SLC5A4: variants seen among roughly 807,000 people sequenced by gnomAD.
SLC5A4 encodes the protein probable glucose sensor protein SLC5A4.
A neutral mutation model predicts 70.3 loss-of-function variants in SLC5A4; 55 were observed. The observed-to-expected ratio is 0.78, with a 90% CI of 0.63 to 0.98. The LOEUF (loss-of-function observed/expected upper bound fraction) is 0.98. Ranked by LOEUF, SLC5A4 falls within the 50% of genes least tolerant of loss-of-function variation. The probability of loss-of-function intolerance (pLI) is 0.00; values close to 1 mark genes in which losing one functional copy is unlikely to be tolerated. For synonymous variants in SLC5A4, 268 were observed against 305.7 expected (o/e 0.88, Z 1.29); for missense variants, 735 against 839.2 (o/e 0.88, Z 1.53).
intron 3 of SLC5A4, among the ~76,000 whole-genome samples, chr22:32,251,335 G>A (rs1205081609): frequency 1.3e-5 from 2 of 152,008 alleles, no homozygotes; most frequent in African/African-American, 4.8e-5. Flanking sequence ...CCATTAAGGG[G>A]TGATTAGGTT....
chr22:32,330,797 GGC>G, the SLC5A4 span, among the ~76,000 whole-genome samples: 1 of 126,140 alleles, frequency 7.9e-6, no homozygotes, highest in African/African-American at 3.1e-5. Flanking sequence ...GTGTGTTGGG[GGC>G]TCTGGTGTGT....
chr22:32,227,965 G>GA (rs1221421636), intron 11 of SLC5A4, among the ~76,000 whole-genome samples: 2 of 150,562 alleles, frequency 1.3e-5, no homozygotes, highest in Non-Finnish European at 3.0e-5. Flanking sequence ...ACTCTGTCTT[G>GA]AAAAAAAAAT....
At chr22:32,326,380 C>T in the SLC5A4 span, among the ~76,000 whole-genome samples, 1 of 151,826 alleles carries the variant, frequency 6.6e-6, no homozygotes, top group Non-Finnish European at 1.5e-5. Flanking sequence ...CCTCAGCCTC[C>T]CAAGTAGTAG....
chr22:32,321,341 A>G, the SLC5A4 span, among the ~76,000 whole-genome samples: 3 of 152,152 alleles, frequency 2.0e-5, no homozygotes, highest in Non-Finnish European at 2.9e-5. Context: ...AGTCCCAGCT[A>G]CTTGGGAGGC....
the SLC5A4 span, chr22:32,355,029 G>C: frequency 3.7e-4 from 57 of 152,110 alleles, no homozygotes; most frequent in African/African-American, 1.4e-3. Flanking sequence ...GTACTAACCA[G>C]CTACACAAGC....
At chr22:32,298,085 G>A in the SLC5A4 span, among the ~76,000 whole-genome samples, 27,386 of 68,404 alleles carry the variant, frequency 0.4, 5,687 homozygotes, top group East Asian at 0.54. Context: ...TATGTGGTCA[G>A]TTTTGGAATA....
the SLC5A4 span, among the ~76,000 whole-genome samples, chr22:32,329,083 G>T: frequency 1.5e-3 from 234 of 152,356 alleles, no homozygotes; most frequent in African/African-American, 5.4e-3. Flanking sequence ...CCGCCAGAGT[G>T]AGCTGGCGTC....
intron 2 of SLC5A4, among the ~76,000 whole-genome samples, chr22:32,253,367 C>T (rs1020603738): frequency 6.6e-6 from 1 of 152,160 alleles, no homozygotes; most frequent in Non-Finnish European, 1.5e-5. Context: ...AGCACCATCA[C>T]AGGGAACACA....
the SLC5A4 span, among the ~76,000 whole-genome samples, chr22:32,337,197 G>A: frequency 8.4e-4 from 128 of 152,284 alleles, no homozygotes; most frequent in African/African-American, 2.9e-3. Flanking sequence ...GGCTATCATC[G>A]CCCTGGGTGC....
chr22:32,219,560 G>A (rs2142558), intron 14 of SLC5A4, among the ~76,000 whole-genome samples: 77,786 of 129,728 alleles, frequency 0.6, 22,913 homozygotes, highest in African/African-American at 0.81. Context: ...GTAGAAAAGA[G>A]AAAGAAAAAT....
intron 3 of SLC5A4, 33 bp downstream of exon 3, chr22:32,251,737 G>C (rs772253436): frequency 1.6e-6 from 2 of 1,278,528 alleles, no homozygotes; most frequent in African/African-American, 2.9e-5. Context: ...ATATGGTTTT[G>C]ATTTGAAGGA....
chr22:32,271,243 C>A, the SLC5A4 span: 1 of 794,714 alleles, frequency 1.3e-6, no homozygotes, highest in Non-Finnish European at 2.2e-6. Context: ...CCCTGTGGGG[C>A]AGCGGGTCCT....
the SLC5A4 span, among the ~76,000 whole-genome samples, chr22:32,294,020 C>A: frequency 6.6e-6 from 1 of 151,922 alleles, no homozygotes; most frequent in African/African-American, 2.4e-5. Flanking sequence ...CCCACCCCAG[C>A]CCTTTTCTGA....
the SLC5A4 span, among the ~76,000 whole-genome samples, chr22:32,353,095 C>T: frequency 3.9e-3 from 587 of 152,308 alleles, 2 homozygotes; most frequent in Middle Eastern, 0.017. Flanking sequence ...CCGGTTTCAG[C>T]GAAGGCACTC....
At chr22:32,222,682 T>C (rs1390024666) in intron 13 of SLC5A4, among the ~76,000 whole-genome samples, 1 of 152,214 alleles carries the variant, frequency 6.6e-6, no homozygotes, top group Non-Finnish European at 1.5e-5. Context: ...CAGTGACATG[T>C]CCTTCGTAAA....
chr22:32,224,478 G>A lies in SLC5A4; in HGVS notation c.1454C>T (p.Ala485Val). 1 of 1,610,418 alleles carries A rather than the reference G, an allele frequency of 6.2e-7. No homozygotes were observed. The highest frequency in any genetic ancestry group is 2.2e-5 in the East Asian group (1 of 44,862). ...IFCKRVNEQG[A>V]FWGLMVGLAM... The stretch of plus-strand genomic sequence containing the variant: ...AAGTCCAACCATTAGACCCCAGAAT[G>A]CTCCCTGCAAAAGAAGCAAGAAGAA... The change falls in exon 13 of 15, where the codon GCA (alanine) becomes GTA (valine). Residue 485 changes from alanine (A) to valine (V), a missense_variant. By Grantham distance (64) the Ala-to-Val change is moderately conservative. Coordinates refer to ENST00000266086, the MANE Select transcript of SLC5A4 (RefSeq NM_014227.3).
chr22:32,269,474 G>A, the SLC5A4 span: 10 of 536,932 alleles, frequency 1.9e-5, no homozygotes, highest in Non-Finnish European at 2.9e-5. This position sits in a 1 kb window ranked among gnomAD's most constrained non-coding sequence, Gnocchi z 4.1. Context: ...CATCCTGTTC[G>A]AGCCCAACCA....
At chr22:32,298,367 G>A in the SLC5A4 span, among the ~76,000 whole-genome samples, 2 of 145,958 alleles carry the variant, frequency 1.4e-5, no homozygotes, top group South Asian at 4.5e-4. Context: ...ATTTAGGATA[G>A]TTAGGTCTTC....
chr22:32,304,421 C>T, the SLC5A4 span, among the ~76,000 whole-genome samples: 7 of 149,764 alleles, frequency 4.7e-5, no homozygotes, highest in Admixed American at 1.3e-4. Context: ...GGATTACAGG[C>T]GTGAGCTACC....
Sources: allele counts gnomAD v4.1 joint callset (sites outside exome capture counted in the v4.1 genomes callset), GRCh38; gene constraint gnomAD v4.1.1; non-coding constraint Gnocchi (gnomAD v3.1); transcripts MANE v1.5; gene names NCBI Gene and HGNC (gene_info 2026-07-23, HGNC 2026-07-21).